The following GPHN variants were observed in gnomAD, a reference collection of about 807,000 sequenced individuals.
GPHN encodes gephyrin.
A neutral mutation model predicts 95.5 loss-of-function variants in GPHN; 17 were observed. That is an observed-to-expected ratio of 0.18 (90% CI 0.12 to 0.27). The LOEUF (loss-of-function observed/expected upper bound fraction) is 0.27, where lower values mean the gene tolerates loss of function less well. GPHN is among the 10% of genes least tolerant of loss of function. The pLI, the probability that GPHN is intolerant of heterozygous loss-of-function variation, is 1.00. For synonymous variants in GPHN, 320 were observed against 322.5 expected, an observed-to-expected ratio of 0.99 and a Z score of 0.08; for missense variants, 660 against 978.1, an observed-to-expected ratio of 0.67 and a Z score of 4.34.
chr14:67,197,305 G>A, the GPHN span: 1 of 152,168 alleles, frequency 6.6e-6, no homozygotes, highest in African/African-American at 2.4e-5. Flanking sequence ...TCAAACTGAA[G>A]TGAGTTAAAA....
intron 1 of GPHN, among the ~76,000 whole-genome samples, chr14:66,544,971 G>A (rs1449222470): frequency 1.3e-5 from 2 of 152,164 alleles, no homozygotes; most frequent in Non-Finnish European, 2.9e-5. Context: ...AAAATGAAAA[G>A]TCTCCTGTGT....
chr14:67,397,241 G>C, the GPHN span, among the ~76,000 whole-genome samples: 27 of 152,256 alleles, frequency 1.8e-4, no homozygotes, highest in Middle Eastern at 6.8e-3. Flanking sequence ...GCCCAGCCTA[G>C]ACTTTTTTAA....
chr14:67,325,318 A>C, the GPHN span, among the ~76,000 whole-genome samples: 1 of 152,150 alleles, frequency 6.6e-6, no homozygotes, highest in Non-Finnish European at 1.5e-5. Flanking sequence ...TCTATATGTG[A>C]GGTTAAGAAA....
At chr14:66,633,423 T>C (rs2063929431) in intron 1 of GPHN, among the ~76,000 whole-genome samples, 1 of 152,214 alleles carries the variant, frequency 6.6e-6, no homozygotes, top group Admixed American at 6.5e-5. Context: ...AACTTCAACC[T>C]TATATAAATG....
At chr14:66,976,315 T>C (rs375047290) in intron 9 of GPHN, among the ~76,000 whole-genome samples, 1 of 152,224 alleles carries the variant, frequency 6.6e-6, no homozygotes, top group South Asian at 2.1e-4. Context: ...TAGCATTCAG[T>C]ATAATTAAAT....
intron 1 of GPHN, among the ~76,000 whole-genome samples, chr14:66,552,398 G>T (rs985887508): frequency 6.6e-6 from 1 of 151,908 alleles, no homozygotes; most frequent in Non-Finnish European, 1.5e-5. Flanking sequence ...TTTTATATAC[G>T]TTATAAGCCC....
At chr14:67,401,898 C>T in the GPHN span, among the ~76,000 whole-genome samples, 1 of 152,030 alleles carries the variant, frequency 6.6e-6, no homozygotes, top group Non-Finnish European at 1.5e-5. Flanking sequence ...CCGAGGTGGG[C>T]GGATCACCCA....
At chr14:67,052,229 A>G (rs945466781) in intron 10 of GPHN, among the ~76,000 whole-genome samples, 3 of 152,170 alleles carry the variant, frequency 2.0e-5, no homozygotes, top group Non-Finnish European at 2.9e-5. Flanking sequence ...ATGTGCAAAG[A>G]CACACATAGG....
chr14:67,346,631 T>C, the GPHN span, among the ~76,000 whole-genome samples: 1 of 152,058 alleles, frequency 6.6e-6, no homozygotes, highest in South Asian at 2.1e-4. Flanking sequence ...ATTGTTTCTA[T>C]GAAAAAAGTT....
At chr14:67,640,812 C>G in the GPHN span, among the ~76,000 whole-genome samples, 3 of 152,182 alleles carry the variant, frequency 2.0e-5, no homozygotes, top group African/African-American at 4.8e-5. Context: ...GAATATAGCA[C>G]TAGTTCTTAA....
the GPHN span, among the ~76,000 whole-genome samples, chr14:67,491,204 G>T: frequency 6.6e-6 from 1 of 152,190 alleles, no homozygotes; most frequent in African/African-American, 2.4e-5. Context: ...ATCACAAAGG[G>T]TGCAGATGAG....
At chr14:67,486,029 T>C in the GPHN span, among the ~76,000 whole-genome samples, 6 of 152,316 alleles carry the variant, frequency 3.9e-5, no homozygotes, top group African/African-American at 7.2e-5. Context: ...AGGTGATGCA[T>C]GGTCCTCACT....
intron 1 of GPHN, among the ~76,000 whole-genome samples, chr14:66,556,026 T>G (rs2059994755): frequency 6.6e-6 from 1 of 152,168 alleles, no homozygotes; most frequent in Middle Eastern, 3.2e-3. Context: ...CCTATTGCTC[T>G]TAGACTACAA....
intron 16 of GPHN, among the ~76,000 whole-genome samples, chr14:67,115,401 A>G (rs1019467186): frequency 6.6e-6 from 1 of 152,198 alleles, no homozygotes; most frequent in Non-Finnish European, 1.5e-5. Context: ...GTCACAGTAC[A>G]AACTTTCCTT....
chr14:66,620,991 G>C (rs754991794), intron 1 of GPHN, among the ~76,000 whole-genome samples: 1 of 152,144 alleles, frequency 6.6e-6, no homozygotes, highest in Non-Finnish European at 1.5e-5. Flanking sequence ...GAGAGAGAGA[G>C]TCTAACTCTG....
the GPHN span, among the ~76,000 whole-genome samples, chr14:67,278,590 A>T: frequency 6.6e-6 from 1 of 152,230 alleles, no homozygotes. Flanking sequence ...TTTAGCAGTT[A>T]TTCTTTAGCA....
At chr14:66,840,921 A>T (rs1230934903) in intron 4 of GPHN, among the ~76,000 whole-genome samples, 1 of 150,130 alleles carries the variant, frequency 6.7e-6, no homozygotes, top group East Asian at 1.9e-4. Context: ...AGGAAGCCCC[A>T]TAAGAAGTTA....
intron 1 of GPHN, among the ~76,000 whole-genome samples, chr14:66,645,251 A>G (rs904542377): frequency 1.1e-4 from 17 of 152,334 alleles, no homozygotes; most frequent in African/African-American, 3.6e-4. Flanking sequence ...AAAAAATAGA[A>G]AAGAATGTTG....
At position 66,840,023 on chromosome 14, in the gene GPHN, A is replaced by T. The variant is rs560273685; in HGVS notation, c.294+15457A>T. Among the ~76,000 whole-genome samples the T allele has an allele frequency of 4.6e-5, 7 of 152,248 alleles. No individual in the cohort carries two copies. In the South Asian group the frequency reaches 1.5e-3, roughly 32 times the overall value. On this transcript the variant is annotated intron_variant, in intron 4 of 22. Transcript: ENST00000478722. ...GCCAGTTGTGGTAGCTCATGCCTGT[A>T]ATCCCAGCACTTTGGGAGGTCAAGG...
Sources: allele counts gnomAD v4.1 joint callset (sites outside exome capture counted in the v4.1 genomes callset), GRCh38; gene constraint gnomAD v4.1.1; transcripts MANE v1.5; gene names NCBI Gene and HGNC (gene_info 2026-07-23, HGNC 2026-07-21).